ZBTB7C: variants seen among roughly 807,000 people sequenced by gnomAD.
ZBTB7C encodes the protein zinc finger and BTB domain containing 7C.
ZBTB7C carries 8 observed loss-of-function variants against 25.7 expected under a neutral mutation model. The observed-to-expected ratio is 0.31, with a 90% CI of 0.18 to 0.56. The LOEUF (loss-of-function observed/expected upper bound fraction) is 0.56, where lower values mean the gene tolerates loss of function less well. Ranked by LOEUF, ZBTB7C falls within the 20% of genes least tolerant of loss-of-function variation. The pLI, the probability that ZBTB7C is intolerant of heterozygous loss-of-function variation, is 0.91. For missense variants in ZBTB7C, 824 were observed against 855.2 expected (o/e 0.96, Z 0.46); for synonymous variants, 394 against 369.0 (o/e 1.07, Z -0.78).
chr18:48,272,254 G>A lies in ZBTB7C; in HGVS notation c.-79+65920C>T, dbSNP rs557767735. ...AGTATCCAATGCTTTGATGGCCAAA[G>A]TAGGACAAAAGGGTGCAGGAAGGGT... On this transcript the variant is annotated intron_variant, in intron 2 of 4. Transcript: ENST00000590800. Among the ~76,000 whole-genome samples, 4 of 152,352 alleles carry A rather than the reference G, an allele frequency of 2.6e-5. No individual in the cohort carries two copies. The East Asian group carries it at 7.7e-4, about 29-fold the overall frequency.
At chr18:48,358,932 AC>A (rs1365764762) in intron 1 of ZBTB7C, among the ~76,000 whole-genome samples, 2 of 151,816 alleles carry the variant, frequency 1.3e-5, no homozygotes, top group African/African-American at 2.4e-5. Context: ...GGTGTTGATC[AC>A]AGGTCCACAG....
At chr18:48,326,925 G>A (rs554311011) in intron 2 of ZBTB7C, among the ~76,000 whole-genome samples, 12 of 152,284 alleles carry the variant, frequency 7.9e-5, no homozygotes, top group Admixed American at 2.0e-4. Context: ...AAGAGGAAAC[G>A]CAATAATAAC....
Position 48,040,619 on chromosome 18 carries a change from ATCC to A in ZBTB7C, c.486_488del (p.Glu162del), listed in dbSNP as rs573411298. The A allele has an allele frequency of 2.5e-5, 41 of 1,613,048 alleles. No homozygotes were observed. The highest frequency in any genetic ancestry group is 1.0e-4 in the Admixed American group (6 of 59,932). ...CAAAGTCCTCCGTGTCATCATCGTC[ATCC>A]TCCTCCTCTTCCTCCTCCTCCTCTT... On this transcript the variant is annotated inframe_deletion, in exon 4 of 5. Coordinates refer to ENST00000590800, the MANE Select transcript of ZBTB7C (RefSeq NM_001318841.2).
At chr18:48,109,553 G>A (rs1373049446) in intron 3 of ZBTB7C, among the ~76,000 whole-genome samples, 1 of 152,090 alleles carries the variant, frequency 6.6e-6, no homozygotes, top group Non-Finnish European at 1.5e-5. Context: ...ACGAAGATGA[G>A]CAAAAAAGTG....
At chr18:48,367,175 T>TTATATATATATATATGTATA (rs2047243462) in intron 1 of ZBTB7C, among the ~76,000 whole-genome samples, 1 of 62,278 alleles carries the variant, frequency 1.6e-5, no homozygotes, top group Non-Finnish European at 3.1e-5. Flanking sequence ...TCCCCAAGTT[T>TTATATATATATATATGTATA]TATATATATA....
chr18:48,206,779 T>C (rs564708867), intron 2 of ZBTB7C, among the ~76,000 whole-genome samples: 1 of 152,294 alleles, frequency 6.6e-6, no homozygotes, highest in African/African-American at 2.4e-5. Flanking sequence ...CCCTGGAGAA[T>C]ATATGTTTGT....
chr18:48,149,147 T>C (rs534266681), intron 3 of ZBTB7C: 8 of 152,092 alleles, frequency 5.3e-5, no homozygotes, highest in South Asian at 2.1e-4. Context: ...CGCGCGTGTG[T>C]GTGCACGCAC....
intron 3 of ZBTB7C, among the ~76,000 whole-genome samples, chr18:48,141,132 A>C (rs1333074217): frequency 4.3e-5 from 4 of 93,854 alleles, no homozygotes; most frequent in South Asian, 1.1e-3. Flanking sequence ...ACAGATAGGC[A>C]TCCCCCCCGC....
intron 2 of ZBTB7C, among the ~76,000 whole-genome samples, chr18:48,248,821 T>C (rs1174229079): frequency 2.0e-5 from 3 of 152,146 alleles, no homozygotes; most frequent in South Asian, 2.1e-4. Context: ...CAGATTGAGA[T>C]TGACAATTTC....
chr18:48,128,891 G>A lies in ZBTB7C; in HGVS notation c.-17+57043C>T, dbSNP rs116139479. Among the ~76,000 whole-genome samples, 459 of 152,136 alleles carry A rather than the reference G, an allele frequency of 3.0e-3. 2 individuals are homozygous for A. Among genetic ancestry groups the A allele is most frequent in the East Asian group, 0.011 (57 of 5,174 alleles). ...TTTTTTTTTAAAGAAAGAAGTGTGC[G>A]CAGGTAAGCCCTCTCTTTCAAATAC... On this transcript the variant is annotated intron_variant, in intron 3 of 4. Transcript: ENST00000590800.
chr18:48,340,201 C>G (rs937235239), intron 1 of ZBTB7C, among the ~76,000 whole-genome samples: 9 of 152,330 alleles, frequency 5.9e-5, no homozygotes, highest in Admixed American at 6.5e-5. Flanking sequence ...AAACTCACAA[C>G]CTAGGACATT....
chr18:48,385,962 T>C (rs928478405), intron 1 of ZBTB7C, among the ~76,000 whole-genome samples: 5 of 152,168 alleles, frequency 3.3e-5, no homozygotes, highest in African/African-American at 9.7e-5. Flanking sequence ...TAACCCCTTA[T>C]GGTTAGTCAC....
intron 3 of ZBTB7C, among the ~76,000 whole-genome samples, chr18:48,059,319 A>C (rs1598800019): frequency 1.3e-5 from 2 of 152,228 alleles, no homozygotes; most frequent in Admixed American, 1.3e-4. Context: ...AGGAGAATAC[A>C]CAGTGATTTG....
intron 2 of ZBTB7C, among the ~76,000 whole-genome samples, chr18:48,228,945 T>C (rs2043179733): frequency 6.6e-6 from 1 of 152,114 alleles, no homozygotes; most frequent in Non-Finnish European, 1.5e-5. Context: ...GGACTCCAGC[T>C]GGCTCTCCAG....
At chr18:48,030,260 C>T (rs1190376844) in intron 4 of ZBTB7C, among the ~76,000 whole-genome samples, 1 of 152,200 alleles carries the variant, frequency 6.6e-6, no homozygotes, top group Admixed American at 6.5e-5. Flanking sequence ...CCTTAGTCCT[C>T]GGATAGTGCA....
At chr18:48,205,918 G>A (rs1242709667) in intron 2 of ZBTB7C, among the ~76,000 whole-genome samples, 2 of 152,052 alleles carry the variant, frequency 1.3e-5, no homozygotes, top group Admixed American at 1.3e-4. Context: ...ACTGTCCCTT[G>A]CCACAATTAA....
chr18:48,228,062 G>C (rs1280351753), intron 2 of ZBTB7C, among the ~76,000 whole-genome samples: 1 of 152,176 alleles, frequency 6.6e-6, no homozygotes, highest in Non-Finnish European at 1.5e-5. Flanking sequence ...CCCACCTGGA[G>C]GATGCTTCCA....
chr18:48,185,252 A>G, intron 3 of ZBTB7C: 1 of 400,880 alleles, frequency 2.5e-6, no homozygotes, highest in Non-Finnish European at 4.9e-6. Flanking sequence ...CTTCTCCAGG[A>G]AGTCTTCCCT....
At chr18:48,128,408 A>G (rs1484321223) in intron 3 of ZBTB7C, among the ~76,000 whole-genome samples, 1 of 152,254 alleles carries the variant, frequency 6.6e-6, no homozygotes, top group Non-Finnish European at 1.5e-5. Flanking sequence ...CCATCATTAG[A>G]AATGTCTGCT....
Sources: allele counts gnomAD v4.1 joint callset (sites outside exome capture counted in the v4.1 genomes callset), GRCh38; gene constraint gnomAD v4.1.1; transcripts MANE v1.5; gene names NCBI Gene and HGNC (gene_info 2026-07-23, HGNC 2026-07-21).